PHKA1: variants seen among roughly 807,000 people sequenced by gnomAD.
PHKA1 encodes phosphorylase b kinase regulatory subunit alpha, skeletal muscle isoform.
In PHKA1, 60 loss-of-function variants were observed where a neutral mutation model predicts 110.2. That is an observed-to-expected ratio of 0.54 (90% CI 0.44 to 0.68). The LOEUF (loss-of-function observed/expected upper bound fraction) is 0.68. Among genes scored for constraint, PHKA1 ranks in the 30% least tolerant of loss-of-function variants. The pLI is 0.00. For missense variants in PHKA1, 801 were observed against 942.5 expected, an observed-to-expected ratio of 0.85 and a Z score of 1.97; for synonymous variants, 316 against 333.6, an observed-to-expected ratio of 0.95 and a Z score of 0.58.
Position 72,621,905 on chromosome X carries a change from CATA to C in PHKA1, c.1961-1007_1961-1005del, listed in dbSNP as rs782659771. On this transcript the variant is annotated intron_variant, in intron 18 of 31. Transcript: ENST00000373542. ...GAACTAGGAAAGTGACTCAGAATGCCATAATGTCAAATTCAGTAACACGTATCA... is the reference window on the plus strand; with the variant it reads ...GAACTAGGAAAGTGACTCAGAATGCCATGTCAAATTCAGTAACACGTATCA... 9.3e-6 allele frequency: 7 copies of C among 750,049 alleles called. No individual in the cohort carries two copies. The East Asian group carries it at 4.6e-4, about 49-fold the overall frequency. 61.8% of individuals were successfully genotyped at this position (750,049 alleles called of 1,213,427 possible). A position where few individuals can be genotyped will look rare whatever the true frequency, so the allele number is the denominator to read the frequency against.
At chrX:72,605,956 G>GCCA (rs1556250620) in intron 23 of PHKA1, among the ~76,000 whole-genome samples, 5 of 112,084 alleles carry the variant, frequency 4.5e-5, no homozygotes, top group Non-Finnish European at 9.4e-5. Context: ...TGGCTACAAA[G>GCCA]TACTAAATTA....
chrX:72,662,122 A>C (rs1603265753), intron 8 of PHKA1, among the ~76,000 whole-genome samples: 1 of 112,274 alleles, frequency 8.9e-6, no homozygotes, highest in Non-Finnish European at 1.9e-5. Flanking sequence ...AGTCCTCCCA[A>C]GTGCTGAGCC....
At chrX:72,667,521 T>G (rs369274618) in intron 6 of PHKA1, 48 bp from the exon 7 acceptor site, 5 of 976,944 alleles carry the variant, frequency 5.1e-6, no homozygotes, top group Non-Finnish European at 7.3e-6. Flanking sequence ...TAGAAAGATA[T>G]ATATTTCTTC....
In PHKA1 at chrX:72,712,878, A is replaced by G; in HGVS notation, c.138T>C (p.Asp46=). 1 of 1,210,910 alleles carries G rather than the reference A, an allele frequency of 8.3e-7. No homozygotes were observed. The highest frequency in any genetic ancestry group is 1.1e-6 in the Non-Finnish European group (1 of 894,846). Residue 46 remains aspartate, a synonymous_variant, in exon 2 of 32, where the codon GAT becomes GAC. Coordinates refer to ENST00000373542, the MANE Select transcript of PHKA1 (RefSeq NM_002637.4). ...ACACAGCCAAGATGCTGTACACATT[A>G]TCTCGGACCCAAGCATCTTTCTGAT... ...SYDQKDAWVR[D]NVYSILAVWG... is the part of the protein sequence containing the mutation.
At chrX:72,690,543 A>G (rs1365139808) in intron 4 of PHKA1, among the ~76,000 whole-genome samples, 1 of 111,093 alleles carries the variant, frequency 9.0e-6, no homozygotes, top group Non-Finnish European at 1.9e-5. Context: ...AAAAACACAG[A>G]AAGGGTAGCC....
intron 17 of PHKA1, among the ~76,000 whole-genome samples, chrX:72,624,378 G>A (rs2053022864): frequency 9.0e-6 from 1 of 110,970 alleles, no homozygotes; most frequent in African/African-American, 3.3e-5. Context: ...ACTTCCTCCT[G>A]GTAACCACCT....
chrX:72,647,110 C>T (rs185279357), intron 13 of PHKA1, among the ~76,000 whole-genome samples: 23 of 106,207 alleles, frequency 2.2e-4, no homozygotes, highest in Non-Finnish European at 3.3e-4. Context: ...CCAGCCTAGG[C>T]GACAGAGTGA....
Position 72,636,351 on chromosome X carries a change from A to C in PHKA1, c.1495T>G (p.Tyr499Asp). The change falls in exon 15 of 32, where the codon TAC becomes GAC. Residue 499 changes from tyrosine (Y) to aspartate (D), a missense_variant. Physicochemically the swap from Tyr to Asp is radical, Grantham distance 160 (BLOSUM62 -3). This residue lies in a region of PHKA1 where 299 missense variants were observed against 423.3 expected (regional missense o/e 0.71). Coordinates refer to ENST00000373542, the MANE Select transcript of PHKA1 (RefSeq NM_002637.4). ...GTTCCAAGCACTCCCATGTGTCTGT[A>C]GGGTCGTCCACTGAGTTTCATTCTA... ...NNRMKLSGRPYRHMGVLGTSK... is the reference protein window; with the variant it reads ...NNRMKLSGRPDRHMGVLGTSK... 1 of 1,199,034 alleles carries C rather than the reference A, an allele frequency of 8.3e-7. No individual in the cohort carries two copies. The highest frequency in any genetic ancestry group is 1.1e-6 in the Non-Finnish European group (1 of 883,763).
rs1603273744 is a variant in PHKA1, at chrX:72,694,138, T to C, written c.454+1570A>G. 2.7e-5 allele frequency among the ~76,000 whole-genome samples: 3 copies of C among 112,343 alleles called. 1 individual carries two copies. In the Admixed American group the frequency reaches 2.8e-4, roughly 11 times the overall value. On this transcript the variant is annotated intron_variant, in intron 4 of 31. Coordinates refer to ENST00000373542, the MANE Select transcript of PHKA1 (RefSeq NM_002637.4). The stretch of plus-strand genomic sequence containing the variant: ...AGGTGGAGATTTGTGTATTCAAAAA[T>C]GTGTAGAGCATTGCTAAATACTCTG...
At position 72,657,656 on chromosome X, in the gene PHKA1, A is replaced by G; in HGVS notation, c.865-15T>C. On this transcript the variant is annotated splice_polypyrimidine_tract_variant and intron_variant, in intron 8 of 31. Coordinates refer to ENST00000373542, the MANE Select transcript of PHKA1 (RefSeq NM_002637.4). ...CCATAACGACCCTGGGAATACAAAGAAAAAAGGTCAGCAGCTTGTACACTG... is the reference window on the plus strand; with the variant it reads ...CCATAACGACCCTGGGAATACAAAGGAAAAAGGTCAGCAGCTTGTACACTG... 1 of 1,191,120 alleles carries G rather than the reference A, an allele frequency of 8.4e-7. No homozygotes were observed. Among genetic ancestry groups the G allele is most frequent in the South Asian group, 1.8e-5 (1 of 56,381 alleles).
intron 5 of PHKA1, among the ~76,000 whole-genome samples, chrX:72,678,150 C>T (rs1271044674): frequency 9.0e-6 from 1 of 111,633 alleles, no homozygotes; most frequent in Non-Finnish European, 1.9e-5. Context: ...CCCGCCATAG[C>T]CCTGGAATCA....
intron 9 of PHKA1, 47 bp from the exon 10 acceptor site, chrX:72,656,289 A>C: frequency 1.7e-6 from 2 of 1,168,437 alleles, no homozygotes; most frequent in Non-Finnish European, 2.3e-6. Context: ...GGTTAGATGT[A>C]TATCTTTAGC....
intron 3 of PHKA1, among the ~76,000 whole-genome samples, chrX:72,702,319 G>T (rs781826813): frequency 4.3e-4 from 47 of 110,494 alleles, no homozygotes; most frequent in African/African-American, 1.5e-3. Context: ...GTGTGGTGGC[G>T]CACATCTGTA....
chrX:72,613,038 A>G (rs1306908310), intron 21 of PHKA1, among the ~76,000 whole-genome samples: 1 of 111,314 alleles, frequency 9.0e-6, no homozygotes, highest in Non-Finnish European at 1.9e-5. Context: ...GTGGGCAAGC[A>G]TTGTGAAGAT....
intron 16 of PHKA1, among the ~76,000 whole-genome samples, chrX:72,630,382 TTTTTA>T (rs1569435592): frequency 9.0e-6 from 1 of 111,596 alleles, no homozygotes; most frequent in Non-Finnish European, 1.9e-5. Flanking sequence ...TTCACTCCTA[TTTTTA>T]TTTTTTCTTT....
chrX:72,663,737 A>G (rs1365348158), intron 8 of PHKA1, among the ~76,000 whole-genome samples: 2 of 82,530 alleles, frequency 2.4e-5, no homozygotes, highest in African/African-American at 5.2e-5. Context: ...CTAAGAGCTG[A>G]AAAAAAAAAA....
chrX:72,698,988 G>A (rs947005213), intron 3 of PHKA1, among the ~76,000 whole-genome samples: 6 of 111,690 alleles, frequency 5.4e-5, no homozygotes, highest in African/African-American at 1.3e-4. Context: ...AATGTAATAG[G>A]ATAAGTACTT....
chrX:72,635,976 A>G (rs2053225242), intron 15 of PHKA1, among the ~76,000 whole-genome samples: 1 of 112,146 alleles, frequency 8.9e-6, no homozygotes, highest in African/African-American at 3.2e-5. Flanking sequence ...TATAAAGGAC[A>G]CATACAGTTT....
chrX:72,673,126 A>G (rs1186558755), intron 6 of PHKA1, among the ~76,000 whole-genome samples: 2 of 111,520 alleles, frequency 1.8e-5, no homozygotes, highest in Admixed American at 1.9e-4. Flanking sequence ...GGACAACTAA[A>G]TAAATTTGAA....
Sources: allele counts gnomAD v4.1 joint callset (sites outside exome capture counted in the v4.1 genomes callset), GRCh38; gene constraint gnomAD v4.1.1; regional missense constraint gnomAD v4.1.1; transcripts MANE v1.5; gene names NCBI Gene and HGNC (gene_info 2026-07-23, HGNC 2026-07-21).